EPB41L1: variants seen among roughly 807,000 people sequenced by gnomAD.
EPB41L1 encodes erythrocyte membrane protein band 4.1 like 1, also known as band 4.1-like protein 1.
EPB41L1 carries 29 observed loss-of-function variants against 97.8 expected under a neutral mutation model. That is an observed-to-expected ratio of 0.30 (90% CI 0.22 to 0.40). The LOEUF (loss-of-function observed/expected upper bound fraction) is 0.40, where lower values mean the gene tolerates loss of function less well. Ranked by LOEUF, EPB41L1 falls within the 10% of genes least tolerant of loss-of-function variation. The probability of loss-of-function intolerance (pLI) is 1.00; values close to 1 mark genes in which losing one functional copy is unlikely to be tolerated. For synonymous variants in EPB41L1, 383 were observed against 459.2 expected, an observed-to-expected ratio of 0.83 and a Z score of 2.12; for missense variants, 812 against 1,162.3, an observed-to-expected ratio of 0.70 and a Z score of 4.38.
intron 16 of EPB41L1, among the ~76,000 whole-genome samples, chr20:36,213,230 T>C (rs1337616436): frequency 6.6e-6 from 1 of 152,014 alleles, no homozygotes; most frequent in African/African-American, 2.4e-5. Flanking sequence ...AGACCCCAGC[T>C]CTACAAAAAA....
In EPB41L1 at chr20:36,209,592, G is replaced by A. The variant is rs529213556; in HGVS notation, c.1773G>A (p.Thr591=). 14 of 1,614,012 alleles carry A rather than the reference G, an allele frequency of 8.7e-6. No homozygotes were observed. Among genetic ancestry groups the A allele is most frequent in the African/African-American group, 4.0e-5 (3 of 74,908 alleles). ...AGGACCAGGACCAGGAGAGGGACAC[G>A]GTGTTCCTGAAGGACAACCACCTGG... The part of the protein sequence containing the change: ...GDEDQDQERD[T]VFLKDNHLAI... The change falls in exon 15 of 22, where the codon ACG becomes ACA. Residue 591 remains threonine (T), a synonymous_variant. Transcript: ENST00000338074. This position sits in a 1 kb window ranked among gnomAD's most constrained non-coding sequence, Gnocchi z 4.2.
intron 1 of EPB41L1, among the ~76,000 whole-genome samples, chr20:36,165,386 A>C (rs1020971103): frequency 1.3e-5 from 2 of 152,030 alleles, no homozygotes; most frequent in Admixed American, 1.3e-4. Context: ...CCTGTTTGAC[A>C]CATGAGGAAA....
At chr20:36,215,163 CTG>C (rs1417740391) in intron 17 of EPB41L1, among the ~76,000 whole-genome samples, 1 of 151,896 alleles carries the variant, frequency 6.6e-6, no homozygotes, top group Non-Finnish European at 1.5e-5. Flanking sequence ...CTCACAGACA[CTG>C]TGAGGTGGAT....
intron 11 of EPB41L1, among the ~76,000 whole-genome samples, chr20:36,191,295 C>T (rs1236454192): frequency 1.3e-5 from 2 of 152,098 alleles, no homozygotes; most frequent in African/African-American, 4.8e-5. Context: ...GCCAGGGCAT[C>T]GTTCTTGGTC....
intron 2 of EPB41L1, among the ~76,000 whole-genome samples, chr20:36,137,488 T>G (rs1489435865): frequency 6.6e-6 from 1 of 152,112 alleles, no homozygotes; most frequent in Non-Finnish European, 1.5e-5. Flanking sequence ...CCCATAGTGC[T>G]GAGATTATAG....
At chr20:36,179,539 A>C (rs2061389903) in intron 5 of EPB41L1, among the ~76,000 whole-genome samples, 4 of 152,230 alleles carry the variant, frequency 2.6e-5, no homozygotes, top group Admixed American at 2.6e-4. Context: ...CCAGAGAGAG[A>C]AAGCATGTCG....
At chr20:36,123,336 G>C (rs913007158) in intron 2 of EPB41L1, among the ~76,000 whole-genome samples, 6 of 152,174 alleles carry the variant, frequency 3.9e-5, no homozygotes, top group African/African-American at 1.4e-4. Context: ...CTGTGACACT[G>C]GGAAAATTGT....
chr20:36,227,621 C>A (rs899103707), intron 21 of EPB41L1, among the ~76,000 whole-genome samples: 4 of 152,036 alleles, frequency 2.6e-5, no homozygotes, highest in African/African-American at 9.7e-5. Context: ...GATCGTAATT[C>A]TCCACCACCA....
In EPB41L1 at chr20:36,099,574, G is replaced by A. The variant is rs74893061; in HGVS notation, c.-65+7962G>A. Among the ~76,000 whole-genome samples, 275 of 152,130 alleles carry A rather than the reference G, an allele frequency of 1.8e-3. 6 individuals are homozygous for A. In the East Asian group the frequency reaches 0.039, roughly 22 times the overall value. On this transcript the variant is annotated intron_variant, in intron 1 of 19. Coordinates refer to the EPB41L1 transcript ENST00000202028. The stretch of plus-strand genomic sequence containing the variant: ...CTCAGAGCCCAGCCCAGCCCAGCCC[G>A]CTCCTCTCCTGAGACAGGTCCTCTT...
chr20:36,139,911 A>G lies in EPB41L1; in HGVS notation c.-10+27431A>G, dbSNP rs559815804. Among the ~76,000 whole-genome samples the G allele has an allele frequency of 2.0e-5, 3 of 151,450 alleles. No homozygotes were observed. The South Asian group carries it at 6.3e-4, about 32-fold the overall frequency. ...CATGCCTGGCTAATTTTGTATTTTT[A>G]GTAGAGATGGAGTTTCTCCATGTTG... On this transcript the variant is annotated intron_variant, in intron 2 of 19. Transcript: ENST00000202028.
At chr20:36,142,012 G>T (rs1223890904) in intron 2 of EPB41L1, among the ~76,000 whole-genome samples, 1 of 151,794 alleles carries the variant, frequency 6.6e-6, no homozygotes, top group Non-Finnish European at 1.5e-5. Flanking sequence ...GGGAGGCTGA[G>T]GTGGGAGAAT....
At chr20:36,108,823 T>C (rs1323506267) in intron 1 of EPB41L1, among the ~76,000 whole-genome samples, 1 of 152,202 alleles carries the variant, frequency 6.6e-6, no homozygotes, top group Non-Finnish European at 1.5e-5. Context: ...AGACTAGTTA[T>C]TTGGGGAAGG....
chr20:36,136,338 G>GTTTTT (rs60257818), intron 2 of EPB41L1, among the ~76,000 whole-genome samples: 1 of 113,972 alleles, frequency 8.8e-6, no homozygotes. Context: ...GCCCGGCTAA[G>GTTTTT]TTTTTTTTTT....
chr20:36,210,376 G>A (rs1451194382), intron 15 of EPB41L1, among the ~76,000 whole-genome samples: 5 of 152,050 alleles, frequency 3.3e-5, no homozygotes, highest in Non-Finnish European at 5.9e-5. Flanking sequence ...GAAGCTCCTG[G>A]AAGAGAGGAA....
chr20:36,125,405 T>G (rs1314887332), intron 2 of EPB41L1: 1 of 722,130 alleles, frequency 1.4e-6, no homozygotes, highest in African/African-American at 1.7e-5. Flanking sequence ...CTGATTCTGT[T>G]TCTTCATCTG....
Position 36,113,891 on chromosome 20 carries a change from C to A in EPB41L1, c.-10+1411C>A, listed in dbSNP as rs1162332750. ...CACACGTTCCTCAAGCTTCCTGAAG[C>A]CTTTCAAGGAGCCAAGCTCAGAAGC... On this transcript the variant is annotated intron_variant, in intron 2 of 19. Coordinates refer to the EPB41L1 transcript ENST00000202028. 2.6e-5 allele frequency: 4 copies of A among 152,530 alleles called. No individual in the cohort carries two copies. In the East Asian group the frequency reaches 7.7e-4, roughly 29 times the overall value. 9.4% of individuals were successfully genotyped at this position (152,530 alleles called of 1,614,324 possible).
intron 2 of EPB41L1, among the ~76,000 whole-genome samples, chr20:36,131,739 C>T (rs949824340): frequency 6.6e-6 from 1 of 152,170 alleles, no homozygotes; most frequent in African/African-American, 2.4e-5. Context: ...TCTCTCACCA[C>T]CTAGTGATGC....
intron 14 of EPB41L1, among the ~76,000 whole-genome samples, chr20:36,202,860 C>T (rs2062575595): frequency 3.3e-5 from 5 of 151,460 alleles, no homozygotes; most frequent in Admixed American, 3.3e-4. Flanking sequence ...CCCAGAGCTC[C>T]AGGAGGGGCC....
intron 17 of EPB41L1, among the ~76,000 whole-genome samples, chr20:36,217,749 G>A (rs548836776): frequency 6.6e-6 from 1 of 152,166 alleles, no homozygotes; most frequent in East Asian, 1.9e-4. Flanking sequence ...GTGCCTTGTG[G>A]TGCAGTACCA....
Sources: allele counts gnomAD v4.1 joint callset (sites outside exome capture counted in the v4.1 genomes callset), GRCh38; gene constraint gnomAD v4.1.1; non-coding constraint Gnocchi (gnomAD v3.1); transcripts MANE v1.5; gene names NCBI Gene and HGNC (gene_info 2026-07-23, HGNC 2026-07-21).